Variants in CCDC178 observed in about 807,000 individuals in gnomAD.
The protein encoded by CCDC178 is coiled-coil domain containing 178.
In CCDC178, 126 loss-of-function variants were observed where a neutral mutation model predicts 117.4. That is an observed-to-expected ratio of 1.07 (90% CI 0.93 to 1.24). The LOEUF (loss-of-function observed/expected upper bound fraction) is 1.24. Among genes scored for constraint, CCDC178 ranks in the 50% most tolerant of loss-of-function variants. The probability of loss-of-function intolerance (pLI) is 0.00; values close to 1 mark genes in which losing one functional copy is unlikely to be tolerated. For missense variants in CCDC178, 1,030 were observed against 986.9 expected, an observed-to-expected ratio of 1.04 and a Z score of -0.59; for synonymous variants, 283 against 313.4, an observed-to-expected ratio of 0.90 and a Z score of 1.02.
chr18:33,069,926 G>T (rs775439966), intron 21 of CCDC178, among the ~76,000 whole-genome samples: 44 of 151,912 alleles, frequency 2.9e-4, no homozygotes, highest in Non-Finnish European at 5.4e-4. Flanking sequence ...ATGAAAAAAT[G>T]CTAAACATTA....
intron 12 of CCDC178, among the ~76,000 whole-genome samples, chr18:33,276,518 G>A (rs1052373626): frequency 1.3e-5 from 2 of 152,064 alleles, no homozygotes; most frequent in African/African-American, 4.8e-5. Context: ...AACCAGTAGA[G>A]GGAACTGAGA....
At chr18:33,121,730 T>C (rs1279001820) in intron 20 of CCDC178, among the ~76,000 whole-genome samples, 1 of 152,108 alleles carries the variant, frequency 6.6e-6, no homozygotes, top group Admixed American at 6.6e-5. Flanking sequence ...CTCTCTGAAC[T>C]TCATTTATTT....
chr18:33,066,254 A>G (rs2057014613), intron 21 of CCDC178, among the ~76,000 whole-genome samples: 1 of 152,194 alleles, frequency 6.6e-6, no homozygotes. Context: ...AAGAAATTCT[A>G]AAGGGAATCC....
intron 5 of CCDC178, among the ~76,000 whole-genome samples, chr18:33,380,564 G>T (rs891471954): frequency 6.6e-6 from 1 of 152,166 alleles, no homozygotes; most frequent in African/African-American, 2.4e-5. Flanking sequence ...TTCAGCCTGG[G>T]TTGCTCAGAT....
chr18:33,342,616 A>G (rs937871309), intron 9 of CCDC178, among the ~76,000 whole-genome samples: 5 of 152,162 alleles, frequency 3.3e-5, no homozygotes, highest in Admixed American at 3.3e-4. Context: ...CATGAAAACC[A>G]TACTCCTGGG....
At chr18:33,165,485 TG>T in intron 20 of CCDC178, among the ~76,000 whole-genome samples, 1 of 152,186 alleles carries the variant, frequency 6.6e-6, no homozygotes, top group Non-Finnish European at 1.5e-5. Flanking sequence ...TTTTGGTATC[TG>T]CAGGGGTCCT....
chr18:33,124,141 T>C (rs2057972822), intron 20 of CCDC178, among the ~76,000 whole-genome samples: 1 of 152,220 alleles, frequency 6.6e-6, no homozygotes, highest in Non-Finnish European at 1.5e-5. Context: ...TACACTTCAC[T>C]GCCCATAGGA....
intron 20 of CCDC178, among the ~76,000 whole-genome samples, chr18:33,105,621 C>T (rs1297528732): frequency 6.6e-6 from 1 of 151,528 alleles, no homozygotes; most frequent in African/African-American, 2.4e-5. Flanking sequence ...AGTGGAGAAA[C>T]ATTTCACAAT....
intron 20 of CCDC178, among the ~76,000 whole-genome samples, chr18:33,154,567 T>A (rs2058373703): frequency 6.6e-6 from 1 of 152,152 alleles, no homozygotes; most frequent in Admixed American, 6.5e-5. Flanking sequence ...ATACATATAA[T>A]AAAACATATA....
At chr18:33,435,269 G>C (rs901645433) in intron 2 of CCDC178, among the ~76,000 whole-genome samples, 6 of 152,164 alleles carry the variant, frequency 3.9e-5, no homozygotes, top group African/African-American at 1.4e-4. Context: ...TAAAAATACA[G>C]TTCCTTGGCT....
At position 33,092,928 on chromosome 18, in the gene CCDC178, A is replaced by T. The variant is rs199879267; in HGVS notation, c.2239-18T>A. The T allele has an allele frequency of 8.2e-6, 12 of 1,467,562 alleles. No individual in the cohort carries two copies. Among genetic ancestry groups the T allele is most frequent in the Non-Finnish European group, 1.1e-5 (12 of 1,082,034 alleles). 90.9% of individuals were successfully genotyped at this position (1,467,562 alleles called of 1,614,324 possible). Reference sequence around the variant, plus strand: ...ATTATTTTCTAGAAGGTAAAAAAATATAATTGAATTGTGTGTATATATATA... The same window carrying T: ...ATTATTTTCTAGAAGGTAAAAAAATTTAATTGAATTGTGTGTATATATATA... On this transcript the variant is annotated intron_variant, in intron 20 of 22. Transcript: ENST00000383096.
chr18:33,421,427 G>T (rs563834380), intron 2 of CCDC178, among the ~76,000 whole-genome samples: 1 of 152,282 alleles, frequency 6.6e-6, no homozygotes, highest in East Asian at 1.9e-4. Context: ...CACAGTTCTT[G>T]CCAGGAAGCT....
chr18:33,013,109 C>T (rs930985367), intron 21 of CCDC178, among the ~76,000 whole-genome samples: 10 of 152,200 alleles, frequency 6.6e-5, no homozygotes, highest in African/African-American at 2.2e-4. Flanking sequence ...TTATAATCTC[C>T]TAAATAAACC....
At position 33,009,993 on chromosome 18, in the gene CCDC178, C is replaced by A. The variant is rs1209682284; in HGVS notation, c.2389-35312G>T. Among the ~76,000 whole-genome samples, 19 of 152,098 alleles carry A rather than the reference C, an allele frequency of 1.2e-4. 1 individual carries two copies. Among genetic ancestry groups the A allele is most frequent in the Admixed American group, 1.2e-3 (19 of 15,260 alleles). On this transcript the variant is annotated intron_variant, in intron 21 of 22. Coordinates refer to ENST00000383096, the MANE Select transcript of CCDC178 (RefSeq NM_001105528.4). The stretch of plus-strand genomic sequence containing the variant: ...AAAACAATTAATTCTATGACATTGG[C>A]CACACTATCATTGTCTTCTAATCAT...
intron 6 of CCDC178, among the ~76,000 whole-genome samples, chr18:33,362,473 G>C (rs1347876677): frequency 1.3e-5 from 2 of 151,810 alleles, no homozygotes; most frequent in East Asian, 3.9e-4. Context: ...AACACGTCTA[G>C]AGATCTAATG....
At chr18:33,319,186 C>A (rs1197522778) in intron 11 of CCDC178, among the ~76,000 whole-genome samples, 1 of 151,792 alleles carries the variant, frequency 6.6e-6, no homozygotes, top group East Asian at 1.9e-4. Context: ...TGCTATCCCT[C>A]CCCGCTCCCT....
intron 22 of CCDC178, among the ~76,000 whole-genome samples, chr18:32,961,000 G>C (rs1045582522): frequency 2.6e-5 from 4 of 151,776 alleles, no homozygotes; most frequent in African/African-American, 9.7e-5. Context: ...CTTGCTTCAT[G>C]ACCCAGGATA....
At chr18:33,001,802 CT>C (rs1367194859) in intron 21 of CCDC178, among the ~76,000 whole-genome samples, 1 of 152,044 alleles carries the variant, frequency 6.6e-6, no homozygotes, top group Non-Finnish European at 1.5e-5. Context: ...CACATTTCAC[CT>C]GCAAAGACAC....
At chr18:33,020,358 C>T (rs572224371) in intron 21 of CCDC178, among the ~76,000 whole-genome samples, 2 of 152,186 alleles carry the variant, frequency 1.3e-5, no homozygotes, top group South Asian at 4.2e-4. Flanking sequence ...TAATGTTGAG[C>T]TCACATTTTT....
Sources: gnomAD v4.1 joint callset for allele counts (sites outside exome capture counted in the v4.1 genomes callset) on GRCh38, gnomAD v4.1.1 for gene constraint, MANE v1.5 for transcripts, NCBI Gene and HGNC (gene_info 2026-07-23, HGNC 2026-07-21) for gene names.